CDH13: variants seen among roughly 807,000 people sequenced by gnomAD.
CDH13 encodes cadherin-13.
In CDH13, 24 loss-of-function variants were observed where a neutral mutation model predicts 63.8. The observed-to-expected ratio is 0.38, with a 90% confidence interval of 0.27 to 0.53. CDH13 has a LOEUF of 0.53. Ranked by LOEUF, CDH13 falls within the 20% of genes least tolerant of loss-of-function variation. CDH13 has a pLI of 0.85. For missense variants in CDH13, 1,049 were observed against 903.1 expected, an observed-to-expected ratio of 1.16 and a Z score of -2.07; for synonymous variants, 503 against 355.3, an observed-to-expected ratio of 1.42 and a Z score of -4.67.
At chr16:82,776,681 G>A (rs922302) in intron 1 of CDH13, among the ~76,000 whole-genome samples, 110,783 of 152,050 alleles carry the variant, frequency 0.73, 42,289 homozygotes, top group East Asian at 1. Context: ...TGGGTTGACT[G>A]TGGGTTCGGT....
At chr16:83,293,211 T>C (rs529403516) in intron 5 of CDH13, among the ~76,000 whole-genome samples, 81 of 152,338 alleles carry the variant, frequency 5.3e-4, no homozygotes, top group African/African-American at 1.8e-3. Flanking sequence ...CCAAATCCTA[T>C]GATAAGAGGT....
rs1052224710 is a variant in CDH13 at position 83,798,689 on chromosome 16, G to C, written c.*3659G>C. 6.6e-6 allele frequency: 1 copy of C among 152,276 alleles called. No individual in the cohort carries two copies. Among genetic ancestry groups the C allele is most frequent in the South Asian group, 2.1e-4 (1 of 4,820 alleles). 9.4% of individuals were successfully genotyped at this position (152,276 alleles called of 1,614,324 possible). A position where few individuals can be genotyped will look rare whatever the true frequency, so the allele number is the denominator to read the frequency against. ...CCAGACAAAGTGCCTACTGCAGACC[G>C]GAAGACCCTCGTTTGAAGCCTCCAT... On this transcript the variant is annotated 3_prime_UTR_variant, in exon 14 of 14. Transcript: ENST00000567109.
chr16:82,914,514 C>T (rs2041925608), intron 2 of CDH13, among the ~76,000 whole-genome samples: 1 of 152,196 alleles, frequency 6.6e-6, no homozygotes, highest in Non-Finnish European at 1.5e-5. Context: ...TGACCATCTT[C>T]TAACCCTCTA....
At chr16:83,094,167 T>C (rs1198768737) in intron 3 of CDH13, among the ~76,000 whole-genome samples, 1 of 152,094 alleles carries the variant, frequency 6.6e-6, no homozygotes, top group East Asian at 1.9e-4. Context: ...CAAAGCAAAG[T>C]AGAAAATGGA....
At chr16:83,667,792 G>A (rs1199787058) in intron 8 of CDH13, among the ~76,000 whole-genome samples, 1 of 151,962 alleles carries the variant, frequency 6.6e-6, no homozygotes. Context: ...TGAGTATGTG[G>A]GACGACAGGC....
At chr16:83,584,154 C>T (rs1232672063) in intron 7 of CDH13, among the ~76,000 whole-genome samples, 1 of 151,990 alleles carries the variant, frequency 6.6e-6, no homozygotes, top group East Asian at 2.0e-4. Context: ...ATGGTGAAAC[C>T]CCATCTCTAC....
intron 1 of CDH13, among the ~76,000 whole-genome samples, chr16:82,827,626 T>A (rs2038316615): frequency 1.3e-5 from 2 of 152,298 alleles, no homozygotes; most frequent in South Asian, 2.1e-4. Flanking sequence ...CCTTTCATCT[T>A]TGACCTCAAG....
At chr16:83,762,447 A>C (rs1488863242) in intron 11 of CDH13, among the ~76,000 whole-genome samples, 1 of 152,204 alleles carries the variant, frequency 6.6e-6, no homozygotes, top group Non-Finnish European at 1.5e-5. Flanking sequence ...GAATGCAATA[A>C]AATGGAATCC....
intron 2 of CDH13, among the ~76,000 whole-genome samples, chr16:82,950,251 G>A (rs750136835): frequency 5.9e-5 from 9 of 152,028 alleles, no homozygotes; most frequent in African/African-American, 9.7e-5. Context: ...GCTTATAGCC[G>A]CATCATCCCA....
intron 6 of CDH13, among the ~76,000 whole-genome samples, chr16:83,386,351 G>T (rs2091674574): frequency 6.6e-6 from 1 of 152,130 alleles, no homozygotes. Flanking sequence ...TGGAATGTTG[G>T]GGGCAGCGCT....
At chr16:83,202,571 G>A (rs946596242) in intron 4 of CDH13, among the ~76,000 whole-genome samples, 6 of 152,110 alleles carry the variant, frequency 3.9e-5, no homozygotes, top group Admixed American at 6.5e-5. Flanking sequence ...GAAAATCATG[G>A]AAATTTTATT....
At chr16:82,710,188 TTTA>T (rs146382425) in intron 1 of CDH13, among the ~76,000 whole-genome samples, 7,550 of 146,226 alleles carry the variant, frequency 0.052, 331 homozygotes, top group African/African-American at 0.12. Flanking sequence ...ATAAATTAAA[TTTA>T]TTATTTATAT....
At chr16:83,557,761 A>G (rs1365276001) in intron 7 of CDH13, among the ~76,000 whole-genome samples, 1 of 152,042 alleles carries the variant, frequency 6.6e-6, no homozygotes, top group African/African-American at 2.4e-5. Context: ...CTCAATGCCC[A>G]TTTGTGATAC....
At chr16:83,614,758 A>G (rs971502971) in intron 8 of CDH13, among the ~76,000 whole-genome samples, 1 of 152,228 alleles carries the variant, frequency 6.6e-6, no homozygotes. Flanking sequence ...GGAAAATATC[A>G]GTAGACATGG....
At chr16:83,762,536 C>A (rs571793305) in intron 11 of CDH13, among the ~76,000 whole-genome samples, 2 of 152,294 alleles carry the variant, frequency 1.3e-5, no homozygotes, top group African/African-American at 2.4e-5. Context: ...CCACTCCTGC[C>A]TACAGGTAAT....
chr16:83,075,454 C>T lies in CDH13; in HGVS notation c.366+43236C>T, dbSNP rs192091735. ...CCTGTCTTAACCTTGGGGTGAAGGACAATGTTCTTGACCTAGAATGGCCTA... is the reference window on the plus strand; with the variant it reads ...CCTGTCTTAACCTTGGGGTGAAGGATAATGTTCTTGACCTAGAATGGCCTA... On this transcript the variant is annotated intron_variant, in intron 3 of 13. Transcript: ENST00000567109. 3.7e-4 allele frequency among the ~76,000 whole-genome samples: 56 copies of T among 152,270 alleles called. No individual in the cohort carries two copies. The East Asian group carries it at 5.8e-3, about 16-fold the overall frequency.
intron 6 of CDH13, among the ~76,000 whole-genome samples, chr16:83,349,920 C>G (rs2090916211): frequency 6.6e-6 from 1 of 152,074 alleles, no homozygotes; most frequent in African/African-American, 2.4e-5. Flanking sequence ...ATTATTAAAG[C>G]AGCTCCCAGA....
chr16:83,285,326 A>G (rs1224011358), intron 5 of CDH13, among the ~76,000 whole-genome samples: 3 of 151,980 alleles, frequency 2.0e-5, no homozygotes, highest in African/African-American at 4.8e-5. Flanking sequence ...ATTTTTGTCC[A>G]TTTGAGGTGA....
intron 6 of CDH13, among the ~76,000 whole-genome samples, chr16:83,441,545 T>G (rs1306051228): frequency 3.3e-5 from 5 of 152,260 alleles, no homozygotes; most frequent in Non-Finnish European, 5.9e-5. Context: ...GTTTTTATGA[T>G]AAATGAGGAA....
Sources: allele counts gnomAD v4.1 joint callset (sites outside exome capture counted in the v4.1 genomes callset), GRCh38; gene constraint gnomAD v4.1.1; transcripts MANE v1.5; gene names NCBI Gene and HGNC (gene_info 2026-07-23, HGNC 2026-07-21).